The following GALK1 variants were observed in gnomAD, a reference collection of about 807,000 sequenced individuals.
GALK1 encodes the protein galactokinase 1.
A neutral mutation model predicts 38.6 loss-of-function variants in GALK1; 30 were observed. The ratio of observed to expected loss-of-function variants is 0.78; its 90% CI spans 0.58 to 1.05. The LOEUF is 1.05. Ranked by LOEUF, GALK1 falls within the 50% of genes least tolerant of loss-of-function variation. The probability of loss-of-function intolerance (pLI) is 0.00; values close to 1 mark genes in which losing one functional copy is unlikely to be tolerated. For missense variants in GALK1, 512 were observed against 540.5 expected (o/e 0.95, Z 0.52); for synonymous variants, 240 against 233.6 (o/e 1.03, Z -0.25).
In GALK1 at chr17:75,761,772, C is replaced by A. The variant is rs559417204; in HGVS notation, c.793+932G>T. On this transcript the variant is annotated intron_variant, in intron 5 of 7. Transcript: ENST00000588479. ...ATGGCTCACGCCTGTAATCCCAGCA[C>A]TTTGGAAGGCTGAGGCGGGAGGATC... Among the ~76,000 whole-genome samples the A allele has an allele frequency of 2.7e-4, 40 of 150,120 alleles. No individual in the cohort carries two copies. In the East Asian group the frequency reaches 4.9e-3, roughly 18 times the overall value.
In GALK1 at chr17:75,758,216, G is replaced by A. The variant is rs1436958552; in HGVS notation, c.1101C>T (p.His367=). The A allele has an allele frequency of 6.8e-6, 11 of 1,606,526 alleles. No individual in the cohort carries two copies. The Middle Eastern group carries it at 5.0e-4, about 72-fold the overall frequency. Residue 367 remains histidine, a synonymous_variant, in exon 7 of 8, where the codon CAC becomes CAT. Transcript: ENST00000588479. ...EASAAPHAMR[H]IQEHYGGTAT... ...GGCCCTGGTGCCCGCCCACCTGGAT[G>A]TGCCGCATGGCGTGGGGAGCAGCGG...
In GALK1 at chr17:75,762,867, C is replaced by T; in HGVS notation, c.630G>A (p.Leu210=). 1 of 1,613,502 alleles carries T rather than the reference C, an allele frequency of 6.2e-7. No homozygotes were observed. The highest frequency in any genetic ancestry group is 8.5e-7 in the Non-Finnish European group (1 of 1,179,888). ...LIDCRSLETS[L]VPLSDPKLAV... ...CCAGCTTGGGGTCCGAGAGTGGCAC[C>T]AGGCTGGTCTCCAAGGACCTGGGGT... Residue 210 remains leucine, a synonymous_variant, in exon 5 of 8, where the codon CTG becomes CTA. Transcript: ENST00000588479.
At position 75,765,088 on chromosome 17, in the gene GALK1, G is replaced by A. The variant is rs769385699; in HGVS notation, c.49C>T (p.Arg17Trp). 2 of 1,593,538 alleles carry A rather than the reference G, an allele frequency of 1.3e-6. No homozygotes were observed. The highest frequency in any genetic ancestry group is 1.1e-5 in the South Asian group (1 of 88,704). ...PQVAELLAEARRAFREEFGAE... is the reference protein window; with the variant it reads ...PQVAELLAEAWRAFREEFGAE... ...CCGAACTCCTCCCGGAAGGCTCGCCGGGCCTCGGCCAGCAGCTCCGCGACC... is the reference window on the plus strand; with the variant it reads ...CCGAACTCCTCCCGGAAGGCTCGCCAGGCCTCGGCCAGCAGCTCCGCGACC... The change falls in exon 1 of 8, where the codon CGG (arginine) becomes TGG (tryptophan). Residue 17 changes from arginine (R) to tryptophan (W), a missense_variant. By Grantham distance (101) the Arg-to-Trp change is moderately radical. Transcript: ENST00000588479.
At chr17:75,755,336 GCCCA>G, downstream of GALK1, 10 of 1,042,902 alleles carry the variant, frequency 9.6e-6, no homozygotes, top group African/African-American at 3.2e-5. Flanking sequence ...ACCCCCGCCT[GCCCA>G]CAGGCGCTAA....
chr17:75,752,073 G>C, intron 8 of GALK1: 2 of 1,292,394 alleles, frequency 1.5e-6, no homozygotes, highest in Non-Finnish European at 2.3e-6. Context: ...CCAGCCCCTG[G>C]GTGCCATCCA....
chr17:75,755,802 G>T, downstream of GALK1: 1 of 1,610,362 alleles, frequency 6.2e-7, no homozygotes, highest in South Asian at 1.1e-5. Flanking sequence ...GCCGCGGTGC[G>T]AGCGGCCGCT....
Position 75,758,319 on chromosome 17 carries a change from A to G in GALK1, c.998T>C (p.Leu333Pro). Residue 333 changes from leucine (L) to proline (P), a missense_variant, in exon 7 of 8, where the codon CTT becomes CCT. By Grantham distance (98) the Leu-to-Pro change is moderately conservative (BLOSUM62 -3). Transcript: ENST00000588479. ...GCTGCCATAAACCCCAGGCACAGCA[A>G]GCGCAGCCTCCACCAGCTGGTCCAG... ...PELDQLVEAA[L>P]AVPGVYGSRM... The G allele has an allele frequency of 6.3e-7, 1 of 1,594,140 alleles. No individual in the cohort carries two copies. The highest frequency in any genetic ancestry group is 1.1e-5 in the South Asian group (1 of 88,452).
At position 75,765,179 on chromosome 17, in the gene GALK1, C is replaced by T. The variant is rs1331072125; in HGVS notation, c.-43G>A. Reference sequence around the variant, plus strand: ...CTGCACAGCTGCTCCGGCACAGCCCCGTCGGCGCGGGATGCTCGGGCGGGG... The same window carrying T: ...CTGCACAGCTGCTCCGGCACAGCCCTGTCGGCGCGGGATGCTCGGGCGGGG... On this transcript the variant is annotated 5_prime_UTR_variant, in exon 1 of 8. Coordinates refer to ENST00000588479, the MANE Select transcript of GALK1 (RefSeq NM_000154.2). The T allele has an allele frequency of 2.9e-6, 4 of 1,397,428 alleles. No individual in the cohort carries two copies. Among genetic ancestry groups the T allele is most frequent in the African/African-American group, 1.5e-5 (1 of 66,152 alleles). The allele number at this position is 1,397,428 out of a possible 1,614,324, so 86.6% of individuals were successfully genotyped here. A position where few individuals can be genotyped will look rare whatever the true frequency, so the allele number is the denominator to read the frequency against.
downstream of GALK1, chr17:75,754,999 TAC>T: frequency 6.4e-7 from 1 of 1,565,558 alleles, no homozygotes; most frequent in Non-Finnish European, 8.7e-7. Flanking sequence ...TGCGCACACG[TAC>T]ACACATGCAT....
chr17:75,756,823 G>A (rs753879950), downstream of GALK1: 40 of 1,612,260 alleles, frequency 2.5e-5, no homozygotes, highest in South Asian at 6.6e-5. Context: ...GGATATCGTC[G>A]GCTACCTGGT....
At chr17:75,756,768 A>G (rs770892854), downstream of GALK1, 1 of 1,612,954 alleles carries the variant, frequency 6.2e-7, no homozygotes, top group Non-Finnish European at 8.5e-7. Context: ...CCCTGAGCCC[A>G]GACTCGCTGC....
chr17:75,758,541 C>A lies in GALK1; in HGVS notation c.852G>T (p.Glu284Asp), dbSNP rs1220775745. ...CCGCTGCCTGGGCCGTGCGCCGAAT[C>A]TCCCCCACCACGTGCCGGGCCCGCC... ...GFRRARHVVG[E>D]IRRTAQAAAA... Residue 284 changes from glutamate (E) to aspartate (D), a missense_variant, in exon 6 of 8, where the codon GAG (glutamate) becomes GAT (aspartate). By Grantham distance (45) the Glu-to-Asp change is conservative. Coordinates refer to ENST00000588479, the MANE Select transcript of GALK1 (RefSeq NM_000154.2). 14 of 1,595,194 alleles carry A rather than the reference C, an allele frequency of 8.8e-6. 1 individual carries two copies. In the South Asian group the frequency reaches 1.5e-4, roughly 17 times the overall value.
intron 1 of GALK1, 171 bp downstream of exon 1, chr17:75,764,801 C>G (rs1478448829): frequency 1.4e-6 from 1 of 731,440 alleles, no homozygotes; most frequent in Non-Finnish European, 2.3e-6. Context: ...TCCCTTCCAA[C>G]GTGGGGAACA....
chr17:75,755,844 A>G (rs2061485944), downstream of GALK1: 1 of 1,603,926 alleles, frequency 6.2e-7, no homozygotes, highest in Non-Finnish European at 8.5e-7. Context: ...CCAGCTGCTG[A>G]ACGGCGGTGA....
rs781184768 is a variant in GALK1 at position 75,758,567 on chromosome 17, G to A, written c.826C>T (p.Arg276Trp). Residue 276 changes from arginine (R) to tryptophan (W), a missense_variant, in exon 6 of 8, where the codon CGG becomes TGG. Transcript: ENST00000588479. ...ARDLVSKEGFRRARHVVGEIR... is the reference protein window; with the variant it reads ...ARDLVSKEGFWRARHVVGEIR... ...TCCCCCACCACGTGCCGGGCCCGCC[G>A]GAAGCCCTCTTTGCTCACCAGGTCC... 24 of 1,596,824 alleles carry A rather than the reference G, an allele frequency of 1.5e-5. No homozygotes were observed. The highest frequency in any genetic ancestry group is 5.1e-5 in the Admixed American group (3 of 59,402).
chr17:75,757,201 A>C (rs1449884824), downstream of GALK1: 1 of 1,611,766 alleles, frequency 6.2e-7, no homozygotes. Context: ...CCACCCCAGG[A>C]CCCTTCCCGC....
chr17:75,755,218 T>C, downstream of GALK1: 1 of 1,599,456 alleles, frequency 6.3e-7, no homozygotes, highest in Middle Eastern at 2.2e-4. Context: ...GCCCAGGTAG[T>C]ACAGGGGTGG....
intron 5 of GALK1, among the ~76,000 whole-genome samples, chr17:75,758,898 A>G (rs1367243893): frequency 2.0e-5 from 3 of 151,960 alleles, no homozygotes; most frequent in Non-Finnish European, 4.4e-5. Flanking sequence ...GCAGGAGGAG[A>G]AGAAGTTCTG....
At chr17:75,751,881 G>A (rs2061374428) in intron 8 of GALK1, 1 of 491,970 alleles carries the variant, frequency 2.0e-6, no homozygotes, top group East Asian at 3.9e-5. Context: ...CTTGCCTTGT[G>A]TGGAGGCACC....
Sources: allele counts gnomAD v4.1 joint callset (sites outside exome capture counted in the v4.1 genomes callset), GRCh38; gene constraint gnomAD v4.1.1; transcripts MANE v1.5; gene names NCBI Gene and HGNC (gene_info 2026-07-23, HGNC 2026-07-21).